DAB2IP: variants seen among roughly 807,000 people sequenced by gnomAD.
DAB2IP encodes the protein DAB2 interacting protein.
In DAB2IP, 28 loss-of-function variants were observed where a neutral mutation model predicts 107.2. The ratio of observed to expected loss-of-function variants is 0.26; its 90% CI spans 0.19 to 0.36. The LOEUF (loss-of-function observed/expected upper bound fraction) is 0.36, where lower values mean the gene tolerates loss of function less well. Ranked by LOEUF, DAB2IP falls within the 10% of genes least tolerant of loss-of-function variation. The probability of loss-of-function intolerance (pLI) is 1.00; values close to 1 mark genes in which losing one functional copy is unlikely to be tolerated. For synonymous variants in DAB2IP, 755 were observed against 706.4 expected (o/e 1.07, Z -1.09); for missense variants, 1,400 against 1,644.7 (o/e 0.85, Z 2.57).
rs75779025 is a variant in DAB2IP, at chr9:121,585,322, G to A, written c.40+18094G>A. On this transcript the variant is annotated intron_variant, in intron 1 of 16. Transcript: ENST00000259371. ...TGGGGAAGGTTCAAATCCCAGCTCT[G>A]TCCCTTACTAGATAGATTTGTGATT... Among the ~76,000 whole-genome samples the A allele has an allele frequency of 7.9e-3, 1,196 of 152,178 alleles. 14 individuals carry two copies. The highest frequency in any genetic ancestry group is 0.028 in the African/African-American group (1,148 of 41,518).
intron 8 of DAB2IP, 59 bp from the exon 9 acceptor site, chr9:121,766,435 C>T: frequency 6.7e-7 from 1 of 1,498,424 alleles, no homozygotes; most frequent in Non-Finnish European, 9.1e-7. Context: ...CTGCTCTGTG[C>T]ACTCCTGTCC....
At chr9:121,737,213 AG>A (rs1831993728) in intron 3 of DAB2IP, 2 of 974,966 alleles carry the variant, frequency 2.1e-6, no homozygotes, top group African/African-American at 3.9e-5. Context: ...GAGGCCCCAG[AG>A]GGCGACTTGC....
chr9:121,761,355 C>T lies in DAB2IP; in HGVS notation c.1170+916C>T, dbSNP rs115594083. On this transcript the variant is annotated intron_variant, in intron 6 of 15. Transcript: ENST00000408936. ...TGCTGGGCTAAGGACTGGGCCTCTGCCCTCTGGACAGTGGCGTGTTGTGAG... is the reference window on the plus strand; with the variant it reads ...TGCTGGGCTAAGGACTGGGCCTCTGTCCTCTGGACAGTGGCGTGTTGTGAG... Among the ~76,000 whole-genome samples the T allele has an allele frequency of 6.4e-3, 979 of 152,364 alleles. 6 individuals carry two copies. Among genetic ancestry groups the T allele is most frequent in the African/African-American group, 0.023 (942 of 41,598 alleles).
rs531903401 is a variant in DAB2IP, at chr9:121,772,280, C to G, written c.2079-327C>G. Among the ~76,000 whole-genome samples, 3 of 152,302 alleles carry G rather than the reference C, an allele frequency of 2.0e-5. No homozygotes were observed. In the East Asian group the frequency reaches 5.8e-4, roughly 29 times the overall value. On this transcript the variant is annotated intron_variant, in intron 11 of 15. Coordinates refer to ENST00000408936, the Ensembl canonical transcript of DAB2IP. This position sits in a 1 kb window ranked among gnomAD's most constrained non-coding sequence, Gnocchi z 4.7. ...CACTGAGTTGTGGCTTAGGGCTTAG[C>G]TAAGGAGGAGTTTTCCAGAGCAAGC... is the stretch of plus-strand genomic sequence containing the variant.
intron 3 of DAB2IP, chr9:121,751,953 G>T: frequency 1.0e-6 from 1 of 985,502 alleles, no homozygotes; most frequent in South Asian, 4.7e-5. Context: ...CTTCCTGGGA[G>T]CAGTAAGGAT....
chr9:121,722,688 A>G (rs994024930), intron 3 of DAB2IP, among the ~76,000 whole-genome samples: 5 of 151,824 alleles, frequency 3.3e-5, no homozygotes, highest in Middle Eastern at 6.8e-3. Flanking sequence ...AGTGACAGAC[A>G]GGGGGAAGAA....
At chr9:121,692,296 T>A (rs990751218) in intron 2 of DAB2IP, among the ~76,000 whole-genome samples, 2 of 152,172 alleles carry the variant, frequency 1.3e-5, no homozygotes, top group Non-Finnish European at 2.9e-5. Context: ...TGTGTGCTGA[T>A]CAATGTGTAT....
chr9:121,755,410 CT>C (rs1466735357), intron 3 of DAB2IP, among the ~76,000 whole-genome samples: 1 of 152,238 alleles, frequency 6.6e-6, no homozygotes, highest in Admixed American at 6.5e-5. Flanking sequence ...GGGTTCCCCC[CT>C]GTCTTGAACT....
chr9:121,581,025 C>T (rs1251566870), intron 1 of DAB2IP, among the ~76,000 whole-genome samples: 1 of 152,198 alleles, frequency 6.6e-6, no homozygotes, highest in Admixed American at 6.5e-5. Context: ...GCCTCAAATG[C>T]CGGGATCAGG....
intron 1 of DAB2IP, among the ~76,000 whole-genome samples, chr9:121,594,746 G>A (rs951645680): frequency 6.6e-6 from 1 of 152,218 alleles, no homozygotes; most frequent in East Asian, 1.9e-4. Flanking sequence ...ACCTGGAAGA[G>A]CTCACAGTCT....
At chr9:121,672,388 A>G (rs947617465) in intron 1 of DAB2IP, among the ~76,000 whole-genome samples, 4 of 152,254 alleles carry the variant, frequency 2.6e-5, no homozygotes, top group African/African-American at 4.8e-5. Context: ...CTGAAATTAC[A>G]GGATGTTCCT....
At chr9:121,641,935 TTCTC>T (rs1161161801) in intron 1 of DAB2IP, among the ~76,000 whole-genome samples, 6,510 of 113,470 alleles carry the variant, frequency 0.057, 543 homozygotes, top group African/African-American at 0.18. Flanking sequence ...CTTTCTTTCT[TTCTC>T]TCTTTCTTTC....
At chr9:121,740,448 C>G (rs1832261402) in intron 3 of DAB2IP, among the ~76,000 whole-genome samples, 4 of 152,228 alleles carry the variant, frequency 2.6e-5, no homozygotes, top group Admixed American at 2.6e-4. Context: ...ATCCTGGAGC[C>G]TGGCTTACCT....
intron 3 of DAB2IP, among the ~76,000 whole-genome samples, chr9:121,742,109 C>T (rs1253881005): frequency 6.6e-6 from 1 of 152,132 alleles, no homozygotes; most frequent in Non-Finnish European, 1.5e-5. Context: ...AAGACGCCTC[C>T]TGGCCTTGGC....
chr9:121,583,116 G>A (rs550893109), intron 1 of DAB2IP, among the ~76,000 whole-genome samples: 1 of 152,344 alleles, frequency 6.6e-6, no homozygotes, highest in South Asian at 2.1e-4. Flanking sequence ...GGCCGGCCGC[G>A]GTGGCTCACC....
chr9:121,763,535 G>A, exon 7 of DAB2IP: 1 of 1,613,806 alleles, frequency 6.2e-7, no homozygotes, highest in Non-Finnish European at 8.5e-7. Context: ...GATGTCAGAG[G>A]TGGACCGCTG....
At chr9:121,687,865 T>C (rs1828963603) in intron 2 of DAB2IP, among the ~76,000 whole-genome samples, 1 of 152,216 alleles carries the variant, frequency 6.6e-6, no homozygotes, top group South Asian at 2.1e-4. Flanking sequence ...CAGTCTTTGC[T>C]AGTCAGTGCT....
rs2118727057 is a variant in DAB2IP at position 121,699,184 on chromosome 9, A to G, written c.229-141A>G. On this transcript the variant is annotated intron_variant, in intron 2 of 15. Coordinates refer to ENST00000408936, the Ensembl canonical transcript of DAB2IP. This position sits in a 1 kb window ranked among gnomAD's most constrained non-coding sequence, Gnocchi z 6.2. ...CGGCGGGCGGGCGGCGCGGGCCGCG[A>G]GCTGCTGGGGCCGAGCCCGAGCCCG... 2.2e-5 allele frequency: 19 copies of G among 878,254 alleles called. No individual in the cohort carries two copies. Among genetic ancestry groups the G allele is most frequent in the Non-Finnish European group, 2.6e-5 (19 of 737,476 alleles). The allele number at this position is 878,254 out of a possible 1,614,324, so 54.4% of individuals were successfully genotyped here. A position where few individuals can be genotyped will look rare whatever the true frequency, so the allele number is the denominator to read the frequency against.
At chr9:121,676,260 T>C (rs1013618884) in intron 1 of DAB2IP, among the ~76,000 whole-genome samples, 1 of 152,206 alleles carries the variant, frequency 6.6e-6, no homozygotes, top group Non-Finnish European at 1.5e-5. Flanking sequence ...GGGAATGGCC[T>C]GGAAAGCACA....
Sources: gnomAD v4.1 joint callset for allele counts (sites outside exome capture counted in the v4.1 genomes callset) on GRCh38, gnomAD v4.1.1 for gene constraint, Gnocchi (gnomAD v3.1) non-coding constraint, MANE v1.5 for transcripts, NCBI Gene and HGNC (gene_info 2026-07-23, HGNC 2026-07-21) for gene names.